CFAP77: variants seen among roughly 807,000 people sequenced by gnomAD.
CFAP77 encodes the protein cilia- and flagella-associated protein 77.
Under a neutral mutation model 31.1 loss-of-function variants are expected in CFAP77, and 25 were observed. The observed-to-expected ratio is 0.80, with a 90% CI of 0.59 to 1.12. The LOEUF is 1.12. CFAP77 is among the 50% of genes most tolerant of loss of function. The pLI is 0.00. For missense variants in CFAP77, 377 were observed against 397.3 expected, an observed-to-expected ratio of 0.95 and a Z score of 0.44; for synonymous variants, 151 against 159.9, an observed-to-expected ratio of 0.94 and a Z score of 0.42.
At chr9:132,536,389 T>A (rs572107073) in intron 3 of CFAP77, among the ~76,000 whole-genome samples, 1 of 138,542 alleles carries the variant, frequency 7.2e-6, no homozygotes, top group East Asian at 2.1e-4. Flanking sequence ...TGGCTCATAG[T>A]TCTTTTTTTT....
At chr9:132,432,981 T>G (rs535905270) in intron 1 of CFAP77, among the ~76,000 whole-genome samples, 1 of 152,304 alleles carries the variant, frequency 6.6e-6, no homozygotes, top group African/African-American at 2.4e-5. Context: ...CCCAAAGTGC[T>G]GGGATTACAG....
intron 1 of CFAP77, among the ~76,000 whole-genome samples, chr9:132,431,945 G>A (rs1850417765): frequency 6.6e-6 from 1 of 152,142 alleles, no homozygotes; most frequent in Non-Finnish European, 1.5e-5. Context: ...TGGGATTCCA[G>A]GTGTGAGCCA....
At chr9:132,544,362 C>G (rs982636944) in intron 5 of CFAP77, among the ~76,000 whole-genome samples, 3 of 152,218 alleles carry the variant, frequency 2.0e-5, no homozygotes, top group African/African-American at 7.2e-5. Context: ...GACAGCACGG[C>G]TCATCTCTAG....
Position 132,455,895 on chromosome 9 carries a change from C to T in CFAP77, c.196-42800C>T, listed in dbSNP as rs1045207482. ...GGGCTTTGAGGTCCACAGACACAGA[C>T]CCGAGTTCTCATCCAGCGTCAGCCA... is the stretch of plus-strand genomic sequence containing the variant. On this transcript the variant is annotated intron_variant, in intron 1 of 5. Coordinates refer to ENST00000393216, the MANE Select transcript of CFAP77 (RefSeq NM_001282957.2). The surrounding 1 kb of genome is among the most constrained non-coding windows in gnomAD (Gnocchi z 4.1). Among the ~76,000 whole-genome samples, 14 of 152,180 alleles carry T rather than the reference C, an allele frequency of 9.2e-5. No individual in the cohort carries two copies. The highest frequency in any genetic ancestry group is 1.8e-4 in the Non-Finnish European group (12 of 68,044).
At chr9:132,500,761 TG>T in intron 3 of CFAP77, among the ~76,000 whole-genome samples, 1 of 152,338 alleles carries the variant, frequency 6.6e-6, no homozygotes, top group South Asian at 2.1e-4. Flanking sequence ...CTGGCACGCA[TG>T]TCCCAATGGG....
At chr9:132,562,731 G>A (rs184186506) in intron 5 of CFAP77, among the ~76,000 whole-genome samples, 128 of 151,562 alleles carry the variant, frequency 8.4e-4, no homozygotes, top group Non-Finnish European at 1.4e-3. Context: ...ACAGAGTCTC[G>A]CTCAGTCTCC....
At chr9:132,509,045 C>T (rs923559369) in intron 3 of CFAP77, among the ~76,000 whole-genome samples, 2 of 152,192 alleles carry the variant, frequency 1.3e-5, no homozygotes, top group Middle Eastern at 3.2e-3. Context: ...TCCTCAGCAG[C>T]GAGATGGCGG....
intron 1 of CFAP77, among the ~76,000 whole-genome samples, chr9:132,415,741 G>A (rs1262747808): frequency 3.3e-5 from 5 of 152,132 alleles, no homozygotes; most frequent in Admixed American, 6.6e-5. Context: ...TATTTTGAAA[G>A]ACAAAGTTTT....
chr9:132,538,555 G>T (rs1368457148), intron 4 of CFAP77, among the ~76,000 whole-genome samples: 1 of 152,244 alleles, frequency 6.6e-6, no homozygotes, highest in Non-Finnish European at 1.5e-5. Flanking sequence ...GGAGGCCGAG[G>T]TGGGTGGATC....
rs1344779391 is a variant in CFAP77 at position 132,446,277 on chromosome 9, C to G, written c.195+35811C>G. ...GTCGTGCCAGAGAGCAGGGCTGAAC[C>G]CTGATCCTGGAGCCCAAGGCTGTGG... On this transcript the variant is annotated intron_variant, in intron 1 of 5. Transcript: ENST00000393216. Among the ~76,000 whole-genome samples the G allele has an allele frequency of 2.0e-5, 3 of 152,050 alleles. No individual in the cohort carries two copies. In the East Asian group the frequency reaches 5.8e-4, roughly 29 times the overall value.
chr9:132,435,840 A>G (rs894064940), intron 1 of CFAP77, among the ~76,000 whole-genome samples: 2 of 152,332 alleles, frequency 1.3e-5, no homozygotes, highest in Non-Finnish European at 1.5e-5. Flanking sequence ...ATGTCAGCTC[A>G]TGACTTTATT....
At chr9:132,417,653 G>A (rs776855199) in intron 1 of CFAP77, among the ~76,000 whole-genome samples, 2 of 152,226 alleles carry the variant, frequency 1.3e-5, no homozygotes, top group Non-Finnish European at 2.9e-5. Flanking sequence ...GTAATAGTTA[G>A]CACCCCAGCA....
At chr9:132,421,762 C>T (rs776402683) in intron 1 of CFAP77, 3 of 152,244 alleles carry the variant, frequency 2.0e-5, no homozygotes, top group East Asian at 1.9e-4. Flanking sequence ...TTGCACAGTT[C>T]CCCTGAACCA....
rs150757333 is a variant in CFAP77 at position 132,565,411 on chromosome 9, C to T, written c.733-6977C>T. 2.2e-3 allele frequency among the ~76,000 whole-genome samples: 329 copies of T among 152,124 alleles called. No homozygotes were observed. Among genetic ancestry groups the T allele is most frequent in the Middle Eastern group, 0.014 (4 of 294 alleles). On this transcript the variant is annotated intron_variant, in intron 5 of 5. Coordinates refer to ENST00000393216, the MANE Select transcript of CFAP77 (RefSeq NM_001282957.2). The surrounding 1 kb of genome is among the most constrained non-coding windows in gnomAD (Gnocchi z 4.1). ...TTGGGAGGCCGAGGTGAGTGGATCA[C>T]CTGAGGTCAGGAGTTCCAGAGCAGC...
At position 132,498,768 on chromosome 9, in the gene CFAP77, G is replaced by A. The variant is rs779410537; in HGVS notation, c.269G>A (p.Arg90Gln). 73 of 1,610,818 alleles carry A rather than the reference G, an allele frequency of 4.5e-5. 1 individual carries two copies. The highest frequency in any genetic ancestry group is 1.8e-4 in the South Asian group (16 of 90,382). Reference sequence around the variant, plus strand: ...AATTTTAATTATGGACTCTACATCCGAGGGCTTGACGGAGGAGTCCCTGAA... The same window carrying A: ...AATTTTAATTATGGACTCTACATCCAAGGGCTTGACGGAGGAGTCCCTGAA... ...GINFNYGLYI[R>Q]GLDGGVPEAI... The change falls in exon 2 of 6, where the codon CGA becomes CAA. Residue 90 changes from arginine (R) to glutamine (Q), a missense_variant. Arg to Gln is a conservative substitution (Grantham distance 43). Transcript: ENST00000393216. The surrounding 1 kb of genome is among the most constrained non-coding windows in gnomAD (Gnocchi z 4.2).
intron 1 of CFAP77, among the ~76,000 whole-genome samples, chr9:132,421,255 G>T (rs1376385008): frequency 6.6e-6 from 1 of 152,038 alleles, no homozygotes; most frequent in Non-Finnish European, 1.5e-5. Context: ...GCCTCCCAAA[G>T]TGATGGGATT....
intron 3 of CFAP77, among the ~76,000 whole-genome samples, chr9:132,520,819 C>T (rs938860008): frequency 3.3e-5 from 5 of 152,150 alleles, no homozygotes; most frequent in East Asian, 1.9e-4. Context: ...CAGACACTGG[C>T]GCAGGGCCAG....
Position 132,420,725 on chromosome 9 carries a change from C to T in CFAP77, c.195+10259C>T, listed in dbSNP as rs558116891. Among the ~76,000 whole-genome samples, 41 of 152,164 alleles carry T rather than the reference C, an allele frequency of 2.7e-4. No individual in the cohort carries two copies. The Middle Eastern group carries it at 0.014, about 50-fold the overall frequency. ...CTATGATTCTATGCATTCATTCACTCACTTCTTTAACACCTTTTGAGCACA... is the reference window on the plus strand; with the variant it reads ...CTATGATTCTATGCATTCATTCACTTACTTCTTTAACACCTTTTGAGCACA... On this transcript the variant is annotated intron_variant, in intron 1 of 5. Coordinates refer to ENST00000393216, the MANE Select transcript of CFAP77 (RefSeq NM_001282957.2).
chr9:132,525,133 C>T (rs1852336502), intron 3 of CFAP77, among the ~76,000 whole-genome samples: 1 of 150,438 alleles, frequency 6.6e-6, no homozygotes, highest in Non-Finnish European at 1.5e-5. Context: ...GGTTCTCCTG[C>T]GTCAGCCTCC....
Sources: allele counts gnomAD v4.1 joint callset (sites outside exome capture counted in the v4.1 genomes callset), GRCh38; gene constraint gnomAD v4.1.1; non-coding constraint Gnocchi (gnomAD v3.1); transcripts MANE v1.5; gene names NCBI Gene and HGNC (gene_info 2026-07-23, HGNC 2026-07-21).